ACP6: variants seen among roughly 807,000 people sequenced by gnomAD.
The protein encoded by ACP6 is acid phosphatase 6, lysophosphatidic.
ACP6 carries 48 observed loss-of-function variants against 48.1 expected under a neutral mutation model. The ratio of observed to expected loss-of-function variants is 1.00; its 90% confidence interval spans 0.79 to 1.27. The LOEUF is 1.27. ACP6 is among the 50% of genes most tolerant of loss of function. The pLI is 0.00. For synonymous variants in ACP6, 172 were observed against 204.2 expected (o/e 0.84, Z 1.34); for missense variants, 485 against 529.1 (o/e 0.92, Z 0.82).
intron 7 of ACP6, chr1:147,651,914 C>G (rs1298079435): frequency 6.6e-6 from 1 of 152,270 alleles, no homozygotes; most frequent in Non-Finnish European, 1.5e-5. Flanking sequence ...AAACAGAACC[C>G]TAACTGCTAG....
At chr1:147,636,332 G>A (rs1449907000) in intron 5 of ACP6, among the ~76,000 whole-genome samples, 1 of 152,190 alleles carries the variant, frequency 6.6e-6, no homozygotes, top group Non-Finnish European at 1.5e-5. Context: ...AATTGAGTGG[G>A]AAGGATTGAG....
chr1:147,647,545 G>A lies in ACP6; in HGVS notation c.1165C>T (p.Pro389Ser). ...ATGTCCAGCGGGCAGAGCCCATCAG[G>A]GCAACCTCTCGGCACCTGCTCCTGC... is the stretch of plus-strand genomic sequence containing the variant. ...HGKEQVPRGCPDGLCPLDMFL... is the reference protein window; with the variant it reads ...HGKEQVPRGCSDGLCPLDMFL... The change falls in exon 10 of 10, where the codon CCT becomes TCT. Residue 389 changes from proline to serine, a missense_variant. Transcript: ENST00000583509. 6.2e-7 allele frequency: 1 copy of A among 1,613,510 alleles called. No homozygotes were observed. The highest frequency in any genetic ancestry group is 8.5e-7 in the Non-Finnish European group (1 of 1,179,982).
intron 1 of ACP6, among the ~76,000 whole-genome samples, chr1:147,666,671 T>G (rs782138423): frequency 2.6e-5 from 4 of 152,148 alleles, no homozygotes; most frequent in Non-Finnish European, 5.9e-5. Flanking sequence ...CAGAGAGTCT[T>G]TTACATTATC....
intron 1 of ACP6, among the ~76,000 whole-genome samples, chr1:147,664,861 C>A (rs782461573): frequency 3.3e-5 from 5 of 152,180 alleles, no homozygotes; most frequent in African/African-American, 1.2e-4. Flanking sequence ...TCTCTTCTGG[C>A]TGGGGATTCA....
chr1:147,666,609 G>T (rs1553213681), intron 1 of ACP6, among the ~76,000 whole-genome samples: 1 of 152,146 alleles, frequency 6.6e-6, no homozygotes. Flanking sequence ...CCAAAAAAGT[G>T]GGGCCTCCAC....
chr1:147,633,136 C>T (rs1323494898), intron 5 of ACP6, among the ~76,000 whole-genome samples: 2 of 152,148 alleles, frequency 1.3e-5, no homozygotes, highest in East Asian at 3.9e-4. Flanking sequence ...AAAATTCTGC[C>T]GCCTAATGAA....
At position 147,634,470 on chromosome 1, in the gene ACP6, T is replaced by C. The variant is rs142461278; in HGVS notation, c.461-3405A>G. Among the ~76,000 whole-genome samples, 787 of 152,200 alleles carry C rather than the reference T, an allele frequency of 5.2e-3. 1 individual carries two copies. The highest frequency in any genetic ancestry group is 7.5e-3 in the Non-Finnish European group (508 of 68,010). ...TTTAATTTTGATAAAATCCAACTTATCTATATTTTCTTTCCTTGCCTGGGC... is the reference window on the plus strand; with the variant it reads ...TTTAATTTTGATAAAATCCAACTTACCTATATTTTCTTTCCTTGCCTGGGC... On this transcript the variant is annotated intron_variant, in intron 5 of 5. Coordinates refer to the ACP6 transcript ENST00000609196.
intron 3 of ACP6, 107 bp downstream of exon 3, chr1:147,659,289 C>A: frequency 6.7e-7 from 1 of 1,482,044 alleles, no homozygotes; most frequent in Non-Finnish European, 9.1e-7. Context: ...CAAGTTGTCC[C>A]CCAAACTACC....
intron 5 of ACP6, among the ~76,000 whole-genome samples, 155 bp downstream of exon 5, chr1:147,655,006 C>T (rs1660172695): frequency 6.6e-6 from 1 of 152,216 alleles, no homozygotes; most frequent in Non-Finnish European, 1.5e-5. Context: ...GCTTCCTAGA[C>T]AGCTGATGTC....
downstream of ACP6, among the ~76,000 whole-genome samples, chr1:147,639,971 C>T (rs1659406415): frequency 6.6e-6 from 1 of 152,050 alleles, no homozygotes; most frequent in Non-Finnish European, 1.5e-5. Context: ...CACATACTTG[C>T]CTTCTCTAAA....
intron 1 of ACP6, among the ~76,000 whole-genome samples, chr1:147,660,867 A>G (rs1660513140): frequency 6.6e-6 from 1 of 152,254 alleles, no homozygotes; most frequent in Non-Finnish European, 1.5e-5. Flanking sequence ...AACAAAATCC[A>G]TCAGCTCACA....
At position 147,659,796 on chromosome 1, in the gene ACP6, C is replaced by T. The variant is rs145632511; in HGVS notation, c.220-21G>A. The T allele has an allele frequency of 3.3e-4, 536 of 1,611,310 alleles. No homozygotes were observed. The Middle Eastern group carries it at 5.8e-3, about 17-fold the overall frequency. ...TCTACCTGTTAGTACAAAAAAAACA[C>T]ACCACATTGTTTAAAAATGGTTCTT... On this transcript the variant is annotated intron_variant, in intron 1 of 9. Coordinates refer to ENST00000583509, the MANE Select transcript of ACP6 (RefSeq NM_016361.5).
chr1:147,655,866 A>G (rs1660229540), intron 4 of ACP6, among the ~76,000 whole-genome samples: 1 of 152,090 alleles, frequency 6.6e-6, no homozygotes, highest in African/African-American at 2.4e-5. Flanking sequence ...CCCCCTCAGT[A>G]CCATTGTCCC....
chr1:147,648,112 A>G (rs1659719079), intron 9 of ACP6, 134 bp downstream of exon 9: 1 of 1,036,112 alleles, frequency 9.7e-7, no homozygotes, highest in Non-Finnish European at 1.4e-6. Context: ...GAGTTGCCCT[A>G]TAGGATTCAG....
chr1:147,659,298 C>G, intron 3 of ACP6, 98 bp downstream of exon 3: 1 of 1,497,334 alleles, frequency 6.7e-7, no homozygotes, highest in Non-Finnish European at 9.0e-7. Flanking sequence ...CCCCAAACTA[C>G]CTTGGGTGAC....
intron 6 of ACP6, among the ~76,000 whole-genome samples, chr1:147,653,339 C>T (rs1660062231): frequency 6.6e-6 from 1 of 151,922 alleles, no homozygotes. Context: ...CCATATTGGC[C>T]AGGCTGGTCT....
At chr1:147,638,475 A>G (rs1417574580), downstream of ACP6, among the ~76,000 whole-genome samples, 2 of 152,156 alleles carry the variant, frequency 1.3e-5, no homozygotes, top group Non-Finnish European at 2.9e-5. Context: ...TTAAATATAT[A>G]TGTATATACA....
chr1:147,635,236 G>T (rs1268962691), intron 5 of ACP6, among the ~76,000 whole-genome samples: 1 of 152,098 alleles, frequency 6.6e-6, no homozygotes, highest in Non-Finnish European at 1.5e-5. Context: ...TCTACTCCAG[G>T]GTATTACCTA....
Position 147,650,200 on chromosome 1 carries a change from A to G in ACP6, c.920T>C (p.Ile307Thr). 1 of 1,605,916 alleles carries G rather than the reference A, an allele frequency of 6.2e-7. No individual in the cohort carries two copies. Among genetic ancestry groups the G allele is most frequent in the Non-Finnish European group, 8.5e-7 (1 of 1,176,750 alleles). Residue 307 changes from isoleucine (I) to threonine (T), a missense_variant, in exon 8 of 10, where the codon ATC becomes ACC. Physicochemically the swap from Ile to Thr is moderately conservative, Grantham distance 89 (BLOSUM62 -1). Transcript: ENST00000583509. The stretch of plus-strand genomic sequence containing the variant: ...GGCTTTCAGCAGGTTGCTCTCTAGG[A>G]TGTGGAGGAATGGGCCTACTGCCAT... ...LQMAVGPFLHILESNLLKAMD... is the reference protein window; with the variant it reads ...LQMAVGPFLHTLESNLLKAMD...
Sources: allele counts gnomAD v4.1 joint callset (sites outside exome capture counted in the v4.1 genomes callset), GRCh38; gene constraint gnomAD v4.1.1; transcripts MANE v1.5; gene names NCBI Gene and HGNC (gene_info 2026-07-23, HGNC 2026-07-21).